The following GOLM2 variants were observed in gnomAD, a reference collection of about 807,000 sequenced individuals.
GOLM2 encodes the protein golgi membrane protein 2, also known as protein GOLM2.
In GOLM2, 26 loss-of-function variants were observed where a neutral mutation model predicts 55.9. The ratio of observed to expected loss-of-function variants is 0.47; its 90% CI spans 0.34 to 0.65. The LOEUF (loss-of-function observed/expected upper bound fraction) is 0.65. Among genes scored for constraint, GOLM2 ranks in the 30% least tolerant of loss-of-function variants. The pLI is 0.01. For synonymous variants in GOLM2, 165 were observed against 194.6 expected (o/e 0.85, Z 1.27); for missense variants, 486 against 531.8 (o/e 0.91, Z 0.85).
At chr15:44,293,449 C>A in intron 1 of GOLM2, among the ~76,000 whole-genome samples, 1 of 152,166 alleles carries the variant, frequency 6.6e-6, no homozygotes, top group East Asian at 1.9e-4. Flanking sequence ...TCCAGAGTTA[C>A]GTTACATTTA....
At chr15:44,381,309 C>G (rs2079401355) in intron 8 of GOLM2, among the ~76,000 whole-genome samples, 1 of 151,896 alleles carries the variant, frequency 6.6e-6, no homozygotes, top group African/African-American at 2.4e-5. Context: ...CAAATGAAAA[C>G]TTTGATTAGG....
At chr15:44,349,314 G>A (rs114997435) in intron 6 of GOLM2, among the ~76,000 whole-genome samples, 2,009 of 149,934 alleles carry the variant, frequency 0.013, 44 homozygotes, top group East Asian at 0.087. Context: ...GAGAAAAGAT[G>A]TTCCATGCAA....
At chr15:44,300,614 A>C (rs908651951) in intron 1 of GOLM2, among the ~76,000 whole-genome samples, 1 of 152,228 alleles carries the variant, frequency 6.6e-6, no homozygotes. Context: ...AACAGTTCTT[A>C]TAGTGTGGCA....
intron 8 of GOLM2, among the ~76,000 whole-genome samples, chr15:44,397,893 G>A (rs2079538230): frequency 6.6e-6 from 1 of 152,138 alleles, no homozygotes; most frequent in Non-Finnish European, 1.5e-5. Context: ...TCCAGGCTAG[G>A]ATTTGGAATC....
intron 6 of GOLM2, among the ~76,000 whole-genome samples, chr15:44,363,033 A>C (rs566706427): frequency 2.6e-5 from 4 of 152,332 alleles, no homozygotes; most frequent in African/African-American, 9.6e-5. Flanking sequence ...ACCTTATACA[A>C]AAATCAATTC....
In GOLM2 at chr15:44,413,365, C is replaced by A. The variant is rs2079651230; in HGVS notation, c.1270C>A (p.Pro424Thr). ...TGAAGAACGAGAGCTTCAAATGGAT[C>A]CTGCAGACTATGGAAAGCAACATTT... Reference protein sequence around the residue: ...DDEERELQMDPADYGKQHFND... With the variant: ...DDEERELQMDTADYGKQHFND... The change falls in exon 10 of 10, where the codon CCT becomes ACT. Residue 424 changes from proline to threonine, a missense_variant. Transcript: ENST00000299957. The A allele has an allele frequency of 4.3e-6, 7 of 1,611,122 alleles. No homozygotes were observed. The highest frequency in any genetic ancestry group is 5.9e-6 in the Non-Finnish European group (7 of 1,179,242).
chr15:44,365,943 A>G (rs1170873094), intron 6 of GOLM2, among the ~76,000 whole-genome samples: 1 of 152,134 alleles, frequency 6.6e-6, no homozygotes, highest in Admixed American at 6.5e-5. Flanking sequence ...CATGTATGGG[A>G]GCAGGAGATA....
intron 6 of GOLM2, among the ~76,000 whole-genome samples, chr15:44,377,455 C>A (rs144694101): frequency 1.3e-5 from 2 of 152,210 alleles, no homozygotes; most frequent in African/African-American, 4.8e-5. Context: ...ATTGCAACCT[C>A]CACCTCCCAG....
At chr15:44,354,604 A>G (rs1212173974) in intron 6 of GOLM2, 1 of 152,270 alleles carries the variant, frequency 6.6e-6, no homozygotes, top group African/African-American at 2.4e-5. Context: ...ATAGAGAAAG[A>G]TAGGCTCTCT....
At chr15:44,362,363 T>C (rs2079247288) in intron 6 of GOLM2, among the ~76,000 whole-genome samples, 1 of 152,024 alleles carries the variant, frequency 6.6e-6, no homozygotes, top group East Asian at 1.9e-4. Flanking sequence ...ACAAAATCAA[T>C]GTACAAAAAT....
rs768105896 is a variant in GOLM2, at chr15:44,402,935, C to G, written c.1121C>G (p.Ser374Cys). Residue 374 changes from serine to cysteine, a missense_variant, in exon 9 of 10, where the codon TCT becomes TGT. Ser to Cys is a moderately radical substitution (Grantham distance 112). Coordinates refer to ENST00000299957, the MANE Select transcript of GOLM2 (RefSeq NM_138423.4). ...NESPVDPQHGSKLADYNGDDG... is the reference protein window; with the variant it reads ...NESPVDPQHGCKLADYNGDDG... Reference sequence around the variant, plus strand: ...TCCCCTGTTGATCCGCAGCATGGCTCTAAACTGGCGGATTATAATGGGGAT... The same window carrying G: ...TCCCCTGTTGATCCGCAGCATGGCTGTAAACTGGCGGATTATAATGGGGAT... 1.2e-6 allele frequency: 2 copies of G among 1,614,034 alleles called. No individual in the cohort carries two copies. The highest frequency in any genetic ancestry group is 1.1e-5 in the South Asian group (1 of 91,086).
At chr15:44,395,577 A>C (rs146888711) in intron 8 of GOLM2, among the ~76,000 whole-genome samples, 87 of 151,776 alleles carry the variant, frequency 5.7e-4, no homozygotes, top group Middle Eastern at 6.8e-3. Context: ...TGCGGTGGCT[A>C]ATGCCTGTAA....
At chr15:44,290,360 T>G (rs2078711947) in intron 1 of GOLM2, among the ~76,000 whole-genome samples, 1 of 152,186 alleles carries the variant, frequency 6.6e-6, no homozygotes, top group Admixed American at 6.5e-5. Flanking sequence ...TAAATGCCCA[T>G]TATAATTACA....
chr15:44,307,521 C>T (rs1232284188), intron 1 of GOLM2: 2 of 152,170 alleles, frequency 1.3e-5, no homozygotes, highest in Non-Finnish European at 2.9e-5. Flanking sequence ...CCACATGATA[C>T]TAATTCTCAA....
rs182986467 is a variant in GOLM2, at chr15:44,379,341, G to A, written c.803-349G>A. ...AAAATAAAAAACTTACCCGGGCGTG[G>A]TGGCGAGCGCCTATAATCCTAGCTA... On this transcript the variant is annotated intron_variant, in intron 6 of 9. Coordinates refer to ENST00000299957, the MANE Select transcript of GOLM2 (RefSeq NM_138423.4). Among the ~76,000 whole-genome samples, 230 of 152,196 alleles carry A rather than the reference G, an allele frequency of 1.5e-3. 1 individual carries two copies. The highest frequency in any genetic ancestry group is 5.2e-3 in the African/African-American group (214 of 41,548).
At chr15:44,371,831 C>T (rs2079331190) in intron 6 of GOLM2, among the ~76,000 whole-genome samples, 1 of 152,240 alleles carries the variant, frequency 6.6e-6, no homozygotes, top group Non-Finnish European at 1.5e-5. Flanking sequence ...TAAAACTAAT[C>T]AGATTTTCTC....
At chr15:44,298,015 G>A (rs1310376533) in intron 1 of GOLM2, among the ~76,000 whole-genome samples, 2 of 145,816 alleles carry the variant, frequency 1.4e-5, no homozygotes, top group African/African-American at 2.5e-5. Context: ...TTACAGGCAC[G>A]CACCACCAGG....
intron 6 of GOLM2, among the ~76,000 whole-genome samples, chr15:44,379,192 TG>T (rs1199045781): frequency 6.6e-6 from 1 of 152,044 alleles, no homozygotes; most frequent in Non-Finnish European, 1.5e-5. Context: ...AAATCTGTGA[TG>T]GGGCCGGGCG....
intron 6 of GOLM2, among the ~76,000 whole-genome samples, chr15:44,345,447 C>T (rs891121708): frequency 9.2e-5 from 14 of 152,022 alleles, no homozygotes; most frequent in Admixed American, 5.2e-4. Flanking sequence ...TTAGTAGAGA[C>T]GGGGTTTCAA....
Sources: allele counts gnomAD v4.1 joint callset (sites outside exome capture counted in the v4.1 genomes callset), GRCh38; gene constraint gnomAD v4.1.1; transcripts MANE v1.5; gene names NCBI Gene and HGNC (gene_info 2026-07-23, HGNC 2026-07-21).